The following ATPAF1 variants were observed in gnomAD, a reference collection of about 807,000 sequenced individuals.
ATPAF1 encodes ATP synthase mitochondrial F1 complex assembly factor 1, also known as homolog of yeast ATP11.
ATPAF1 carries 26 observed loss-of-function variants against 43.9 expected under a neutral mutation model. The ratio of observed to expected loss-of-function variants is 0.59; its 90% CI spans 0.43 to 0.82. The LOEUF (loss-of-function observed/expected upper bound fraction) is 0.82, where lower values mean the gene tolerates loss of function less well. Ranked by LOEUF, ATPAF1 falls within the 40% of genes least tolerant of loss-of-function variation. The probability of loss-of-function intolerance (pLI) is 0.00; values close to 1 mark genes in which losing one functional copy is unlikely to be tolerated. For missense variants in ATPAF1, 366 were observed against 435.0 expected, an observed-to-expected ratio of 0.84 and a Z score of 1.41; for synonymous variants, 157 against 168.0, an observed-to-expected ratio of 0.93 and a Z score of 0.50.
At chr1:46,665,280 A>G in exon 2 of ATPAF1, 1 of 1,614,256 alleles carries the variant, frequency 6.2e-7, no homozygotes, top group South Asian at 1.1e-5. Context: ...ATTTGATAAA[A>G]TCACCTTGCC....
At chr1:46,658,809 T>G in intron 2 of ATPAF1, 72 bp from the exon 3 acceptor site, 1 of 983,250 alleles carries the variant, frequency 1.0e-6, no homozygotes, top group Non-Finnish European at 1.5e-6. Context: ...CTAGGTGAAG[T>G]ACCCAATCTC....
chr1:46,659,587 A>AAAAAATC (rs1171201993), intron 2 of ATPAF1, among the ~76,000 whole-genome samples: 109 of 152,330 alleles, frequency 7.2e-4, no homozygotes, highest in Non-Finnish European at 8.4e-4. Flanking sequence ...GGCCACCAAC[A>AAAAAATC]ACTGAAAGTG....
At chr1:46,652,111 T>C (rs549643392) in intron 6 of ATPAF1, among the ~76,000 whole-genome samples, 11 of 152,028 alleles carry the variant, frequency 7.2e-5, no homozygotes, top group Non-Finnish European at 1.2e-4. Flanking sequence ...ATTATTCTGA[T>C]TTGATCATTA....
chr1:46,662,367 T>C (rs1477666929), intron 2 of ATPAF1, among the ~76,000 whole-genome samples: 3 of 152,262 alleles, frequency 2.0e-5, no homozygotes, highest in Non-Finnish European at 4.4e-5. Context: ...AGTAAAGAAT[T>C]GTTTGCTCAC....
At chr1:46,650,932 T>C (rs1459849888) in intron 6 of ATPAF1, among the ~76,000 whole-genome samples, 1 of 152,144 alleles carries the variant, frequency 6.6e-6, no homozygotes, top group Non-Finnish European at 1.5e-5. Context: ...AAATATGTTC[T>C]AGTGTTCTAC....
At position 46,637,027 on chromosome 1, in the gene ATPAF1, C is replaced by T. The variant is rs144826048; in HGVS notation, c.793-1057G>A. On this transcript the variant is annotated intron_variant, in intron 8 of 8. Transcript: ENST00000574428. The stretch of plus-strand genomic sequence containing the variant: ...CTTGTGAGACCCTGAGCCAGAACCA[C>T]TCAGCTAAGCTGCTACTACAGAAAC... Among the ~76,000 whole-genome samples, 10 of 152,310 alleles carry T rather than the reference C, an allele frequency of 6.6e-5. No homozygotes were observed. In the East Asian group the frequency reaches 1.9e-3, roughly 29 times the overall value.
intron 4 of ATPAF1, among the ~76,000 whole-genome samples, chr1:46,655,776 C>T (rs1280482783): frequency 6.6e-6 from 1 of 152,202 alleles, no homozygotes; most frequent in Non-Finnish European, 1.5e-5. Context: ...AGCCTATATG[C>T]TTCTTCTTCC....
intron 8 of ATPAF1, among the ~76,000 whole-genome samples, chr1:46,642,656 A>G (rs773049859): frequency 1.2e-4 from 19 of 152,236 alleles, no homozygotes; most frequent in South Asian, 6.2e-4. Flanking sequence ...CTAGGCTTCA[A>G]TACAACTCTT....
rs1410120817 is a variant in ATPAF1, at chr1:46,653,041, AAGAT to A, written c.541-417_541-414del. On this transcript the variant is annotated intron_variant, in intron 5 of 8. Transcript: ENST00000574428. The surrounding 1 kb of genome is among the most constrained non-coding windows in gnomAD (Gnocchi z 4.8). ...ATATATATATGAGAGATTAAAAAAA[AAGAT>A]AGCGATACCATCATAACCACCAAAA... Among the ~76,000 whole-genome samples, 1 of 152,146 alleles carries A rather than the reference AAGAT, an allele frequency of 6.6e-6. No individual in the cohort carries two copies. The highest frequency in any genetic ancestry group is 1.5e-5 in the Non-Finnish European group (1 of 68,014).
chr1:46,652,314 G>T (rs989893287), intron 6 of ATPAF1: 1 of 333,602 alleles, frequency 3.0e-6, no homozygotes, highest in African/African-American at 2.1e-5. Flanking sequence ...ATGTGGTAGG[G>T]AGCTAAAAAG....
chr1:46,647,626 C>T (rs1676069134), intron 6 of ATPAF1, among the ~76,000 whole-genome samples: 1 of 152,116 alleles, frequency 6.6e-6, no homozygotes, highest in African/African-American at 2.4e-5. Context: ...TATTTGCGCA[C>T]AAGTCATTCT....
At chr1:46,667,893 T>G (rs1056666551) in intron 1 of ATPAF1, among the ~76,000 whole-genome samples, 164 bp downstream of exon 1, 1 of 152,160 alleles carries the variant, frequency 6.6e-6, no homozygotes, top group African/African-American at 2.4e-5. Context: ...ACCAATTAGC[T>G]GTGTGATCTT....
Position 46,653,999 on chromosome 1 carries a change from C to G in ATPAF1, c.490-132G>C. The G allele has an allele frequency of 1.5e-6, 1 of 670,686 alleles. No homozygotes were observed. The allele number at this position is 670,686 out of a possible 1,614,324, so 41.5% of individuals were successfully genotyped here. A position where few individuals can be genotyped will look rare whatever the true frequency, so the allele number is the denominator to read the frequency against. On this transcript the variant is annotated intron_variant, in intron 4 of 8. Coordinates refer to ENST00000574428, the Ensembl canonical transcript of ATPAF1. This position sits in a 1 kb window ranked among gnomAD's most constrained non-coding sequence, Gnocchi z 4.8. ...CAGAGAGGAAAAACCCAGTATAACG[C>G]TTTCATTACTAGCACATCACAAAAA...
At position 46,652,768 on chromosome 1, in the gene ATPAF1, C is replaced by A. The variant is rs1006792678; in HGVS notation, c.541-140G>T. 11 of 755,408 alleles carry A rather than the reference C, an allele frequency of 1.5e-5. No individual in the cohort carries two copies. In the East Asian group the frequency reaches 3.0e-4, roughly 21 times the overall value. 46.8% of individuals were successfully genotyped at this position (755,408 alleles called of 1,614,324 possible). On this transcript the variant is annotated intron_variant, in intron 5 of 8. Coordinates refer to ENST00000574428, the Ensembl canonical transcript of ATPAF1. The stretch of plus-strand genomic sequence containing the variant: ...TTTAAGTTTCATCATTTTCAAATCA[C>A]TCTTATGACAGAAAGACAGGAAAAA...
chr1:46,668,333 G>A lies in ATPAF1; in HGVS notation c.-11C>T, dbSNP rs1182378732. The A allele has an allele frequency of 5.2e-6, 7 of 1,353,976 alleles. No individual in the cohort carries two copies. The highest frequency in any genetic ancestry group is 2.8e-4 in the Middle Eastern group (1 of 3,618). The allele number at this position is 1,353,976 out of a possible 1,614,324, so 83.9% of individuals were successfully genotyped here. On this transcript the variant is annotated 5_prime_UTR_variant, in exon 1 of 9. Coordinates refer to ENST00000574428, the Ensembl canonical transcript of ATPAF1. The surrounding 1 kb of genome is among the most constrained non-coding windows in gnomAD (Gnocchi z 4.4). ...CACCACAGCAGCCATGGCCGCCCCC[G>A]CCTCCTCCTCCTCCTCAGGCGCGTC...
intron 1 of ATPAF1, among the ~76,000 whole-genome samples, chr1:46,667,767 G>T (rs1282893802): frequency 6.6e-6 from 1 of 152,222 alleles, no homozygotes; most frequent in Non-Finnish European, 1.5e-5. Flanking sequence ...AATGAGGACA[G>T]GTGTCTCTGA....
At chr1:46,662,823 A>G (rs1238262086) in intron 2 of ATPAF1, among the ~76,000 whole-genome samples, 2 of 152,088 alleles carry the variant, frequency 1.3e-5, no homozygotes, top group Admixed American at 1.3e-4. Context: ...GGGTACATGT[A>G]CACAACGTGC....
chr1:46,656,672 T>C (rs1251369056), intron 4 of ATPAF1, among the ~76,000 whole-genome samples: 1 of 152,220 alleles, frequency 6.6e-6, no homozygotes, highest in Admixed American at 6.5e-5. Flanking sequence ...CACAAATTTA[T>C]ACCTAAAACT....
intron 7 of ATPAF1, 115 bp from the exon 8 acceptor site, chr1:46,643,416 TA>T: frequency 1.3e-6 from 1 of 771,538 alleles, no homozygotes; most frequent in Non-Finnish European, 2.1e-6. Context: ...CTTGGGTGGC[TA>T]GTGAGTTGGA....
Sources: gnomAD v4.1 joint callset for allele counts (sites outside exome capture counted in the v4.1 genomes callset) on GRCh38, gnomAD v4.1.1 for gene constraint, Gnocchi (gnomAD v3.1) non-coding constraint, MANE v1.5 for transcripts, NCBI Gene and HGNC (gene_info 2026-07-23, HGNC 2026-07-21) for gene names.